CNTN5: variants seen among roughly 807,000 people sequenced by gnomAD.
CNTN5 encodes contactin-5.
A neutral mutation model predicts 129.1 loss-of-function variants in CNTN5; 77 were observed. The ratio of observed to expected loss-of-function variants is 0.60; its 90% CI spans 0.50 to 0.72. CNTN5 has a LOEUF of 0.72. Among genes scored for constraint, CNTN5 ranks in the 30% least tolerant of loss-of-function variants. The pLI, the probability that CNTN5 is intolerant of heterozygous loss-of-function variation, is 0.00. For missense variants in CNTN5, 1,478 were observed against 1,328.8 expected (o/e 1.11, Z -1.75); for synonymous variants, 509 against 465.6 (o/e 1.09, Z -1.20).
chr11:99,929,592 A>G (rs1308397846), intron 7 of CNTN5, among the ~76,000 whole-genome samples: 4 of 152,314 alleles, frequency 2.6e-5, no homozygotes, highest in Admixed American at 6.5e-5. Context: ...TTCACATTAC[A>G]GCAGCAAGGA....
chr11:99,317,715 G>A (rs894501385), intron 1 of CNTN5, among the ~76,000 whole-genome samples: 8 of 151,922 alleles, frequency 5.3e-5, no homozygotes, highest in African/African-American at 1.7e-4. Flanking sequence ...TGATTTTAGC[G>A]TTGCTACTGC....
intron 13 of CNTN5, among the ~76,000 whole-genome samples, chr11:100,140,803 A>AAGGTT (rs914813925): frequency 6.6e-6 from 1 of 152,158 alleles, no homozygotes; most frequent in Non-Finnish European, 1.5e-5. Context: ...GATTAGGAAG[A>AAGGTT]AGGTTACTAT....
intron 3 of CNTN5, among the ~76,000 whole-genome samples, chr11:99,655,921 AAAATAC>A (rs1952340362): frequency 6.6e-6 from 1 of 152,052 alleles, no homozygotes; most frequent in African/African-American, 2.4e-5. Context: ...ATACACGCAT[AAAATAC>A]AAATATATAC....
At chr11:100,102,506 G>A (rs1173717711) in intron 13 of CNTN5, among the ~76,000 whole-genome samples, 4 of 152,004 alleles carry the variant, frequency 2.6e-5, no homozygotes, top group African/African-American at 9.7e-5. Context: ...TTTGGAATAA[G>A]AGACGTGGGA....
rs1173476725 is a variant in CNTN5 at position 100,036,555 on chromosome 11, G to A, written c.981-24657G>A. 2.1e-5 allele frequency among the ~76,000 whole-genome samples: 3 copies of A among 144,768 alleles called. 1 individual carries two copies. Among genetic ancestry groups the A allele is most frequent in the Non-Finnish European group, 4.6e-5 (3 of 65,096 alleles). The allele number at this position is 144,768 out of a possible 152,430, so 95.0% of individuals were successfully genotyped here. A position where few individuals can be genotyped will look rare whatever the true frequency, so the allele number is the denominator to read the frequency against. ...TGGCATTGAATCTGTAAATTACCTTGGGCAGTATGGCCATTTTCATGATAT... is the reference window on the plus strand; with the variant it reads ...TGGCATTGAATCTGTAAATTACCTTAGGCAGTATGGCCATTTTCATGATAT... On this transcript the variant is annotated intron_variant, in intron 9 of 24. Coordinates refer to ENST00000524871, the MANE Select transcript of CNTN5 (RefSeq NM_014361.4).
intron 18 of CNTN5, among the ~76,000 whole-genome samples, chr11:100,284,144 C>T (rs921011527): frequency 3.9e-5 from 6 of 152,194 alleles, no homozygotes; most frequent in South Asian, 2.1e-4. Flanking sequence ...AATGGAGGAG[C>T]GGTGGTCTCA....
At chr11:99,586,199 C>G (rs1220327440) in intron 3 of CNTN5, among the ~76,000 whole-genome samples, 1 of 152,046 alleles carries the variant, frequency 6.6e-6, no homozygotes, top group Non-Finnish European at 1.5e-5. Flanking sequence ...GACTGATTAA[C>G]CCACTTCAAT....
chr11:99,305,114 G>A (rs757051212), intron 1 of CNTN5, among the ~76,000 whole-genome samples: 3 of 152,138 alleles, frequency 2.0e-5, no homozygotes, highest in Non-Finnish European at 2.9e-5. Context: ...TCCAGAATGA[G>A]GGAAGTACAT....
At chr11:99,792,753 T>A (rs1292585593) in intron 3 of CNTN5, among the ~76,000 whole-genome samples, 3 of 152,130 alleles carry the variant, frequency 2.0e-5, no homozygotes, top group South Asian at 2.1e-4. Context: ...ATCTGCCTGG[T>A]CCTGGGCATT....
intron 1 of CNTN5, among the ~76,000 whole-genome samples, chr11:99,024,124 T>G (rs568729331): frequency 6.6e-6 from 1 of 152,286 alleles, no homozygotes. Flanking sequence ...TTTTAAAAAG[T>G]AATGAAGTAT....
At chr11:99,875,310 G>A (rs576647929) in intron 6 of CNTN5, among the ~76,000 whole-genome samples, 33 of 150,906 alleles carry the variant, frequency 2.2e-4, no homozygotes, top group South Asian at 1.0e-3. Context: ...CTTTTCATAC[G>A]TTGGTATGAT....
At chr11:100,149,542 GATAAA>G (rs1157323235) in intron 13 of CNTN5, among the ~76,000 whole-genome samples, 3 of 152,124 alleles carry the variant, frequency 2.0e-5, no homozygotes, top group Non-Finnish European at 2.9e-5. Flanking sequence ...ATTTTGAAAT[GATAAA>G]ATAAAATATA....
At chr11:100,119,793 A>G (rs979824517) in intron 13 of CNTN5, among the ~76,000 whole-genome samples, 5 of 151,922 alleles carry the variant, frequency 3.3e-5, no homozygotes, top group African/African-American at 7.2e-5. Flanking sequence ...GTCAGGCTAG[A>G]TGATATCACT....
At chr11:99,192,742 A>C (rs1858707833) in intron 1 of CNTN5, among the ~76,000 whole-genome samples, 1 of 152,098 alleles carries the variant, frequency 6.6e-6, no homozygotes, top group African/African-American at 2.4e-5. Context: ...TATTATATTT[A>C]AAAAGAACAT....
At chr11:100,161,830 T>TACACACACACACACACACACAC (rs71050053) in intron 13 of CNTN5, among the ~76,000 whole-genome samples, 25 of 125,832 alleles carry the variant, frequency 2.0e-4, no homozygotes, top group African/African-American at 6.1e-4. Context: ...TGGAGCTTCC[T>TACACACACACACACACACACAC]ACACACACAC....
chr11:100,217,710 A>G (rs543682540), intron 15 of CNTN5, among the ~76,000 whole-genome samples: 1 of 152,318 alleles, frequency 6.6e-6, no homozygotes, highest in East Asian at 1.9e-4. Flanking sequence ...TGTCTGTCAC[A>G]ATTGCTAAAA....
intron 3 of CNTN5, among the ~76,000 whole-genome samples, chr11:99,715,535 T>C (rs1478748542): frequency 6.6e-6 from 1 of 151,700 alleles, no homozygotes. Flanking sequence ...GGAAACAGAG[T>C]GAACCCCAAA....
intron 3 of CNTN5, among the ~76,000 whole-genome samples, chr11:99,625,506 A>G (rs1951094125): frequency 6.6e-6 from 1 of 152,150 alleles, no homozygotes; most frequent in Non-Finnish European, 1.5e-5. Flanking sequence ...TTCAATACAG[A>G]AAAAGGAAAT....
At chr11:100,052,523 A>G (rs1943013011) in intron 9 of CNTN5, among the ~76,000 whole-genome samples, 1 of 151,856 alleles carries the variant, frequency 6.6e-6, no homozygotes, top group East Asian at 1.9e-4. Context: ...AGACCTGTAC[A>G]CTGAGAATTT....
Sources: gnomAD v4.1 joint callset for allele counts (sites outside exome capture counted in the v4.1 genomes callset) on GRCh38, gnomAD v4.1.1 for gene constraint, MANE v1.5 for transcripts, NCBI Gene and HGNC (gene_info 2026-07-23, HGNC 2026-07-21) for gene names.